The following KLHDC10 variants were observed in gnomAD, a reference collection of about 807,000 sequenced individuals.
KLHDC10 encodes the protein kelch domain-containing protein 10.
A neutral mutation model predicts 56.1 loss-of-function variants in KLHDC10; 24 were observed. That is an observed-to-expected ratio of 0.43 (90% confidence interval 0.31 to 0.60). KLHDC10 has a LOEUF of 0.60. Ranked by LOEUF, KLHDC10 falls within the 20% of genes least tolerant of loss-of-function variation. KLHDC10 has a pLI of 0.11. For synonymous variants in KLHDC10, 188 were observed against 207.1 expected, an observed-to-expected ratio of 0.91 and a Z score of 0.79; for missense variants, 349 against 567.0, an observed-to-expected ratio of 0.62 and a Z score of 3.91.
At position 130,132,395 on chromosome 7, in the gene KLHDC10, T is replaced by G. The variant is rs1179812746; in HGVS notation, c.*1649T>G. ...TTGAGCTACGGTTAAAAAGCTACCA[T>G]CTGGTGTTCAGTTCTGGGAAAGAGA... is the stretch of plus-strand genomic sequence containing the variant. On this transcript the variant is annotated 3_prime_UTR_variant, in exon 10 of 10. Coordinates refer to ENST00000335420, the MANE Select transcript of KLHDC10 (RefSeq NM_014997.4). 1.3e-5 allele frequency: 2 copies of G among 152,230 alleles called. No homozygotes were observed. The highest frequency in any genetic ancestry group is 2.9e-5 in the Non-Finnish European group (2 of 68,052). 9.4% of individuals were successfully genotyped at this position (152,230 alleles called of 1,614,324 possible). A position where few individuals can be genotyped will look rare whatever the true frequency, so the allele number is the denominator to read the frequency against.
rs115784696 is a variant in KLHDC10, at chr7:130,076,235, G to A, written c.166+5426G>A. Among the ~76,000 whole-genome samples the A allele has an allele frequency of 6.4e-3, 981 of 152,096 alleles. 10 individuals carry two copies. Among genetic ancestry groups the A allele is most frequent in the African/African-American group, 0.022 (905 of 41,508 alleles). ...CAAGCTCTGGCGGGAATGCTCACTC[G>A]CCCACCACTCACCTCCTGCTATGTG... On this transcript the variant is annotated intron_variant, in intron 1 of 9. Transcript: ENST00000335420.
rs1056083951 is a variant in KLHDC10, at chr7:130,131,735, C to T, written c.*989C>T. On this transcript the variant is annotated 3_prime_UTR_variant, in exon 10 of 10. Coordinates refer to ENST00000335420, the MANE Select transcript of KLHDC10 (RefSeq NM_014997.4). ...CCTCTGGGCTTGTTAACTTGGCTTCCACTCGGGCTGTGGTCTTTGGCTATC... is the reference window on the plus strand; with the variant it reads ...CCTCTGGGCTTGTTAACTTGGCTTCTACTCGGGCTGTGGTCTTTGGCTATC... 6 of 152,222 alleles carry T rather than the reference C, an allele frequency of 3.9e-5. No individual in the cohort carries two copies. The highest frequency in any genetic ancestry group is 7.3e-5 in the Non-Finnish European group (5 of 68,034). The allele number at this position is 152,222 out of a possible 1,614,324, so 9.4% of individuals were successfully genotyped here.
At chr7:130,087,594 C>T (rs888287176) in intron 1 of KLHDC10, among the ~76,000 whole-genome samples, 4 of 151,940 alleles carry the variant, frequency 2.6e-5, no homozygotes, top group African/African-American at 4.8e-5. Context: ...TCCCTTTTTA[C>T]CCATAGTAGC....
chr7:130,124,456 G>A lies in KLHDC10; in HGVS notation c.785G>A (p.Arg262Gln). 1.3e-6 allele frequency: 2 copies of A among 1,585,844 alleles called. No individual in the cohort carries two copies. Among genetic ancestry groups the A allele is most frequent in the African/African-American group, 1.3e-5 (1 of 74,470 alleles). Reference protein sequence around the residue: ...LSCDLPEERYRHEIAHDGQRI... With the variant: ...LSCDLPEERYQHEIAHDGQRI... ...ATTTTATTGTAAATTTTCAGATACC[G>A]ACATGAAATTGCACATGACGGGCAG... The change falls in exon 6 of 10, where the codon CGA (arginine) becomes CAA (glutamine). Residue 262 changes from arginine to glutamine, a missense_variant. Around this residue, in one of 2 missense-constraint regions of KLHDC10, gnomAD observed 245 missense variants for 470.1 expected, o/e 0.52. Transcript: ENST00000335420.
chr7:130,070,614 G>A lies in KLHDC10; in HGVS notation c.-30G>A. The A allele has an allele frequency of 1.5e-6, 2 of 1,306,998 alleles. No individual in the cohort carries two copies. The highest frequency in any genetic ancestry group is 2.0e-6 in the Non-Finnish European group (2 of 1,023,060). The allele number at this position is 1,306,998 out of a possible 1,614,324, so 81.0% of individuals were successfully genotyped here. A position where few individuals can be genotyped will look rare whatever the true frequency, so the allele number is the denominator to read the frequency against. On this transcript the variant is annotated 5_prime_UTR_variant, in exon 1 of 10. Transcript: ENST00000335420. The stretch of plus-strand genomic sequence containing the variant: ...GGTTCCGCTGGGTCAGGCGCTGACG[G>A]GACCGGGCTGCGGCAATCGTTAGCG...
intron 2 of KLHDC10, among the ~76,000 whole-genome samples, chr7:130,102,329 G>A (rs1795942956): frequency 1.3e-5 from 2 of 152,096 alleles, no homozygotes; most frequent in South Asian, 2.1e-4. Context: ...AACCAATGTA[G>A]TCCTTCATTT....
chr7:130,108,844 C>G (rs75076382), intron 2 of KLHDC10, among the ~76,000 whole-genome samples: 9,119 of 152,266 alleles, frequency 0.06, 327 homozygotes, highest in South Asian at 0.14. Flanking sequence ...TCCCTTCCCC[C>G]CTTTATACAC....
intron 3 of KLHDC10, among the ~76,000 whole-genome samples, chr7:130,119,537 T>TAAAA (rs11317882): frequency 4.1e-4 from 41 of 100,382 alleles, no homozygotes; most frequent in African/African-American, 1.3e-3. Context: ...AAAAAAGAGT[T>TAAAA]AAAAAAAAAA....
chr7:130,077,858 G>T (rs1175694597), intron 1 of KLHDC10, among the ~76,000 whole-genome samples: 2 of 151,690 alleles, frequency 1.3e-5, no homozygotes, highest in Non-Finnish European at 2.9e-5. Flanking sequence ...CCCGGCCGGG[G>T]TTTCTACTTT....
chr7:130,122,051 C>T lies in KLHDC10; in HGVS notation c.631-3C>T. On this transcript the variant is annotated splice_polypyrimidine_tract_variant and splice_region_variant and intron_variant, in intron 4 of 9. Transcript: ENST00000335420. Reference sequence around the variant, plus strand: ...GTCTTATTCACCTTTCCTTGTTATCCAGGCTATGGCCATCATCAATGGCTC... The same window carrying T: ...GTCTTATTCACCTTTCCTTGTTATCTAGGCTATGGCCATCATCAATGGCTC... 1.2e-6 allele frequency: 2 copies of T among 1,608,130 alleles called. No homozygotes were observed. The highest frequency in any genetic ancestry group is 1.7e-6 in the Non-Finnish European group (2 of 1,177,916).
chr7:130,073,823 G>T (rs765403991), intron 1 of KLHDC10, among the ~76,000 whole-genome samples: 1 of 151,964 alleles, frequency 6.6e-6, no homozygotes, highest in Non-Finnish European at 1.5e-5. Flanking sequence ...TTTCTTCTCC[G>T]TTGCACTTCA....
intron 6 of KLHDC10, 115 bp from the exon 7 acceptor site, chr7:130,125,750 C>A: frequency 1.3e-6 from 1 of 759,586 alleles, no homozygotes; most frequent in Non-Finnish European, 2.2e-6. Context: ...CTCAGTTTTG[C>A]TGTGAACTGA....
intron 2 of KLHDC10, among the ~76,000 whole-genome samples, chr7:130,108,383 CA>C (rs1351708109): frequency 6.6e-6 from 1 of 151,754 alleles, no homozygotes; most frequent in Non-Finnish European, 1.5e-5. Flanking sequence ...GGTTTAATTG[CA>C]AAAATTGCAA....
At chr7:130,104,751 GT>G (rs1795985873) in intron 2 of KLHDC10, among the ~76,000 whole-genome samples, 1 of 152,166 alleles carries the variant, frequency 6.6e-6, no homozygotes, top group Admixed American at 6.5e-5. Flanking sequence ...ACCAAGAGGA[GT>G]TGAGGGGAGG....
At chr7:130,102,509 T>C (rs1212999105) in intron 2 of KLHDC10, among the ~76,000 whole-genome samples, 2 of 151,972 alleles carry the variant, frequency 1.3e-5, no homozygotes, top group Non-Finnish European at 2.9e-5. Context: ...AAGAGTGAAT[T>C]AGATCCATAA....
At chr7:130,125,330 T>C (rs1464272354) in intron 6 of KLHDC10, among the ~76,000 whole-genome samples, 2 of 151,804 alleles carry the variant, frequency 1.3e-5, no homozygotes, top group Non-Finnish European at 2.9e-5. Flanking sequence ...TCACCTGAGG[T>C]TGGGAGTTTG....
chr7:130,079,800 C>T (rs1353535621), intron 1 of KLHDC10, among the ~76,000 whole-genome samples: 1 of 137,808 alleles, frequency 7.3e-6, no homozygotes, highest in Non-Finnish European at 1.6e-5. Context: ...CCTCCTCCCT[C>T]CCTTGCTTCC....
At chr7:130,126,212 G>C (rs565729438) in intron 7 of KLHDC10, among the ~76,000 whole-genome samples, 1 of 152,120 alleles carries the variant, frequency 6.6e-6, no homozygotes, top group Non-Finnish European at 1.5e-5. Context: ...CAGCTACTCC[G>C]GAGGCTGAGG....
chr7:130,086,955 T>G (rs570225197), intron 1 of KLHDC10, among the ~76,000 whole-genome samples: 4 of 152,376 alleles, frequency 2.6e-5, no homozygotes, highest in African/African-American at 7.2e-5. Flanking sequence ...ATCCCTATAA[T>G]AATATTAGCC....
Sources: gnomAD v4.1 joint callset for allele counts (sites outside exome capture counted in the v4.1 genomes callset) on GRCh38, gnomAD v4.1.1 for gene constraint, gnomAD v4.1.1 regional missense constraint, MANE v1.5 for transcripts, NCBI Gene and HGNC (gene_info 2026-07-23, HGNC 2026-07-21) for gene names.